Variants in CSMD1 observed in about 807,000 individuals in gnomAD.
CSMD1 encodes the protein CUB and sushi domain-containing protein 1.
CSMD1 carries 213 observed loss-of-function variants against 417.5 expected under a neutral mutation model. That is an observed-to-expected ratio of 0.51 (90% CI 0.46 to 0.57). The LOEUF is 0.57. Among genes scored for constraint, CSMD1 ranks in the 20% least tolerant of loss-of-function variants. CSMD1 has a pLI of 0.00. For synonymous variants in CSMD1, 2,862 were observed against 1,736.8 expected, an observed-to-expected ratio of 1.65 and a Z score of -16.11; for missense variants, 6,923 against 4,529.7, an observed-to-expected ratio of 1.53 and a Z score of -15.17.
chr8:4,097,327 C>T (rs950051922), intron 3 of CSMD1, among the ~76,000 whole-genome samples: 2 of 152,112 alleles, frequency 1.3e-5, no homozygotes, highest in Non-Finnish European at 2.9e-5. Context: ...TTTTAATTTG[C>T]CTCAGTTGAC....
At chr8:4,280,319 G>C (rs1457825043) in intron 3 of CSMD1, among the ~76,000 whole-genome samples, 1 of 152,102 alleles carries the variant, frequency 6.6e-6, no homozygotes, top group Non-Finnish European at 1.5e-5. Flanking sequence ...AAAGAGAGTG[G>C]ATATGTTACC....
At chr8:3,778,117 G>C (rs997239893) in intron 5 of CSMD1, among the ~76,000 whole-genome samples, 20 of 152,232 alleles carry the variant, frequency 1.3e-4, no homozygotes, top group African/African-American at 4.1e-4. Context: ...TCTTGAGAAA[G>C]ACTTTGAGAC....
intron 2 of CSMD1, among the ~76,000 whole-genome samples, chr8:4,501,964 G>A (rs1469849388): frequency 2.0e-5 from 3 of 152,102 alleles, no homozygotes; most frequent in Non-Finnish European, 4.4e-5. Context: ...GTATTTAGAG[G>A]TGTAACTGAA....
intron 4 of CSMD1, among the ~76,000 whole-genome samples, chr8:3,999,302 T>C (rs1372537637): frequency 6.6e-6 from 1 of 152,164 alleles, no homozygotes; most frequent in Non-Finnish European, 1.5e-5. Flanking sequence ...AGAGGTTGTG[T>C]GACCGGCCTG....
chr8:4,768,337 G>C (rs187691961), intron 1 of CSMD1, among the ~76,000 whole-genome samples: 3 of 151,796 alleles, frequency 2.0e-5, no homozygotes, highest in Admixed American at 1.3e-4. Flanking sequence ...AACATGAGCC[G>C]GTACACAGAG....
chr8:3,529,536 T>G (rs186884033), intron 10 of CSMD1, among the ~76,000 whole-genome samples: 153 of 152,310 alleles, frequency 1.0e-3, no homozygotes, highest in African/African-American at 3.6e-3. Context: ...AATGCCAGAT[T>G]ATTTAACTAC....
At chr8:4,748,752 A>C (rs566880926) in intron 1 of CSMD1, among the ~76,000 whole-genome samples, 5 of 152,342 alleles carry the variant, frequency 3.3e-5, no homozygotes, top group African/African-American at 1.2e-4. Context: ...ATTTTTACAG[A>C]CTTAATTACT....
At chr8:4,689,285 G>T (rs905012565) in intron 1 of CSMD1, among the ~76,000 whole-genome samples, 1 of 152,112 alleles carries the variant, frequency 6.6e-6, no homozygotes, top group Non-Finnish European at 1.5e-5. Flanking sequence ...CCCTAATTTT[G>T]GATATGTAGG....
At chr8:3,831,493 A>C (rs947225355) in intron 5 of CSMD1, among the ~76,000 whole-genome samples, 12 of 152,192 alleles carry the variant, frequency 7.9e-5, no homozygotes, top group Non-Finnish European at 1.8e-4. Context: ...TGAAGCCCAC[A>C]GTGTAGATGC....
At chr8:3,960,127 A>C (rs1812222803) in intron 5 of CSMD1, among the ~76,000 whole-genome samples, 1 of 152,206 alleles carries the variant, frequency 6.6e-6, no homozygotes, top group African/African-American at 2.4e-5. Context: ...CAAAATGATA[A>C]TGATAGAAAC....
intron 1 of CSMD1, among the ~76,000 whole-genome samples, chr8:4,647,065 G>C (rs1473677450): frequency 1.3e-5 from 2 of 152,148 alleles, no homozygotes; most frequent in Non-Finnish European, 2.9e-5. Flanking sequence ...TGGCAGCAAA[G>C]TCAGTTCTTA....
intron 6 of CSMD1, among the ~76,000 whole-genome samples, chr8:3,712,961 T>TATA (rs1423525921): frequency 6.6e-6 from 1 of 152,146 alleles, no homozygotes; most frequent in Non-Finnish European, 1.5e-5. Context: ...AACAATGTAT[T>TATA]GTGTGCTTCA....
At chr8:4,378,271 C>T (rs561133329) in intron 3 of CSMD1, among the ~76,000 whole-genome samples, 2 of 152,280 alleles carry the variant, frequency 1.3e-5, no homozygotes, top group Admixed American at 6.5e-5. Flanking sequence ...AATACATTGT[C>T]CCTGTTATAT....
At chr8:3,932,823 TTC>T in intron 5 of CSMD1, among the ~76,000 whole-genome samples, 1 of 150,644 alleles carries the variant, frequency 6.6e-6, no homozygotes, top group South Asian at 2.1e-4. Flanking sequence ...ACTAATATAT[TTC>T]TCTTTTTTAT....
intron 5 of CSMD1, among the ~76,000 whole-genome samples, chr8:3,945,033 C>T (rs1445157873): frequency 6.6e-6 from 1 of 152,172 alleles, no homozygotes; most frequent in East Asian, 1.9e-4. Context: ...ATGTCCAGGA[C>T]ATCCAGAGAG....
intron 3 of CSMD1, among the ~76,000 whole-genome samples, chr8:4,306,568 C>A (rs1384263786): frequency 1.3e-5 from 2 of 152,112 alleles, no homozygotes; most frequent in Non-Finnish European, 2.9e-5. Context: ...AAAACAGCTC[C>A]CTGCCCATGG....
intron 5 of CSMD1, among the ~76,000 whole-genome samples, chr8:3,834,163 C>CT (rs1300199806): frequency 7.2e-5 from 11 of 151,922 alleles, no homozygotes; most frequent in African/African-American, 2.7e-4. Context: ...CTATATATAC[C>CT]TATTTTTTAC....
At chr8:4,989,903 A>C (rs1275143789) in intron 1 of CSMD1, among the ~76,000 whole-genome samples, 3 of 152,184 alleles carry the variant, frequency 2.0e-5, no homozygotes, top group Non-Finnish European at 4.4e-5. Context: ...TGTTTGCTTG[A>C]CACAATAAAC....
Position 4,349,973 on chromosome 8 carries a change from G to T in CSMD1, c.415+69980C>A, listed in dbSNP as rs182292094. Among the ~76,000 whole-genome samples, 12 of 152,096 alleles carry T rather than the reference G, an allele frequency of 7.9e-5. No homozygotes were observed. In the East Asian group the frequency reaches 2.3e-3, roughly 30 times the overall value. On this transcript the variant is annotated intron_variant, in intron 3 of 69. Transcript: ENST00000635120. ...AAACAAATGTATGCTGTAGACTTAA[G>T]GGATCCAAAGTAATAGCTTTGGTCC...
Sources: gnomAD v4.1 joint callset for allele counts (sites outside exome capture counted in the v4.1 genomes callset) on GRCh38, gnomAD v4.1.1 for gene constraint, MANE v1.5 for transcripts, NCBI Gene and HGNC (gene_info 2026-07-23, HGNC 2026-07-21) for gene names.